The following IL12B variants were observed in gnomAD, a reference collection of about 807,000 sequenced individuals.
IL12B encodes the protein interleukin 12B.
In IL12B, 27 loss-of-function variants were observed where a neutral mutation model predicts 39.2. That is an observed-to-expected ratio of 0.69 (90% confidence interval 0.51 to 0.95). IL12B has a LOEUF of 0.95. IL12B is among the 40% of genes least tolerant of loss of function. The pLI is 0.00. For missense variants in IL12B, 351 were observed against 397.6 expected (o/e 0.88, Z 1.00); for synonymous variants, 142 against 152.1 (o/e 0.93, Z 0.49).
intron 4 of IL12B, among the ~76,000 whole-genome samples, chr5:159,321,347 T>TTA (rs530647543): frequency 0.024 from 3,537 of 146,232 alleles, 64 homozygotes; most frequent in African/African-American, 0.053. Flanking sequence ...TATACACATT[T>TTA]TATATATATA....
chr5:159,328,351 G>A (rs959012570), intron 1 of IL12B, among the ~76,000 whole-genome samples: 1 of 152,072 alleles, frequency 6.6e-6, no homozygotes, highest in African/African-American at 2.4e-5. Context: ...ACACAGGCTT[G>A]AATTTTGGTC....
Position 159,322,508 on chromosome 5 carries a change from G to A in IL12B, c.368C>T (p.Pro123Leu), listed in dbSNP as rs867476819. ...GCATCTTAGAAAGGTCTTATTTTTG[G>A]GTTCTGGATTTGAAAAAAACAAAAA... ...STDILKDQKE[P>L]KNKTFLRCEA... Residue 123 changes from proline to leucine, a missense_variant, in exon 4 of 8, where the codon CCC becomes CTC. Pro to Leu is a moderately conservative substitution (Grantham distance 98). Coordinates refer to ENST00000231228, the MANE Select transcript of IL12B (RefSeq NM_002187.3). 1.2e-6 allele frequency: 2 copies of A among 1,607,850 alleles called. No individual in the cohort carries two copies. Among genetic ancestry groups the A allele is most frequent in the Non-Finnish European group, 1.7e-6 (2 of 1,174,386 alleles).
intron 6 of IL12B, among the ~76,000 whole-genome samples, chr5:159,318,507 A>G (rs1754024781): frequency 6.6e-6 from 1 of 152,240 alleles, no homozygotes; most frequent in African/African-American, 2.4e-5. Context: ...GCAATAGGCT[A>G]TACCATAAAG....
intron 6 of IL12B, among the ~76,000 whole-genome samples, chr5:159,317,780 T>A (rs906554148): frequency 6.6e-6 from 1 of 152,252 alleles, no homozygotes; most frequent in Non-Finnish European, 1.5e-5. Flanking sequence ...GCCTGTTCTA[T>A]CATTCATTAC....
chr5:159,323,554 G>A lies in IL12B; in HGVS notation c.89-225C>T, dbSNP rs150220267. Among the ~76,000 whole-genome samples, 157 of 152,280 alleles carry A rather than the reference G, an allele frequency of 1.0e-3. 1 individual carries two copies. The highest frequency in any genetic ancestry group is 8.5e-3 in the East Asian group (44 of 5,188). On this transcript the variant is annotated intron_variant, in intron 2 of 7. Coordinates refer to ENST00000231228, the MANE Select transcript of IL12B (RefSeq NM_002187.3). ...TATAGCTGCCATCGACTCATTGACT[G>A]GAAGGCTGCCTTTAATAGTAACCTT...
In IL12B at chr5:159,316,691, G is replaced by A. The variant is rs138991749; in HGVS notation, c.981C>T (p.Cys327=). Residue 327 remains cysteine (C), a synonymous_variant, in exon 7 of 8, where the codon TGC becomes TGT. Transcript: ENST00000231228. ...CCTTTGAGGGCCTGCTCACCTAACT[G>A]CAGGGCACAGATGCCCATTCGCTCC... ...SSWSEWASVP[C]S is the part of the protein sequence containing the mutation. 2.5e-6 allele frequency: 4 copies of A among 1,612,642 alleles called. No individual in the cohort carries two copies. The highest frequency in any genetic ancestry group is 3.4e-6 in the Non-Finnish European group (4 of 1,179,502).
At chr5:159,328,150 T>C (rs761869209) in intron 1 of IL12B, among the ~76,000 whole-genome samples, 5 of 152,226 alleles carry the variant, frequency 3.3e-5, no homozygotes, top group Non-Finnish European at 7.3e-5. Context: ...ATGTACTTTA[T>C]TCCCTTATAA....
rs1753980545 is a variant in IL12B, at chr5:159,315,844, T to A, written c.*257A>T. 1 of 152,500 alleles carries A rather than the reference T, an allele frequency of 6.6e-6. No individual in the cohort carries two copies. Among genetic ancestry groups the A allele is most frequent in the South Asian group, 2.1e-4 (1 of 4,828 alleles). 9.4% of individuals were successfully genotyped at this position (152,500 alleles called of 1,614,324 possible). ...AGTAATATACTAATAAATACATAAA[T>A]TACTTAAATATTTAAATAGCATGAA... On this transcript the variant is annotated 3_prime_UTR_variant, in exon 8 of 8. Coordinates refer to ENST00000231228, the MANE Select transcript of IL12B (RefSeq NM_002187.3).
intron 6 of IL12B, among the ~76,000 whole-genome samples, chr5:159,318,526 C>A (rs776714408): frequency 6.6e-6 from 1 of 152,132 alleles, no homozygotes; most frequent in Admixed American, 6.5e-5. Context: ...AGCCTAGAAG[C>A]GTAGTAGGCT....
At chr5:159,323,405 G>T in intron 2 of IL12B, 76 bp from the exon 3 acceptor site, 2 of 1,396,336 alleles carry the variant, frequency 1.4e-6, no homozygotes, top group Non-Finnish European at 2.0e-6. Context: ...AACCCTTCGG[G>T]CATCCCCATT....
At chr5:159,325,309 C>G (rs573925819) in intron 2 of IL12B, among the ~76,000 whole-genome samples, 3 of 152,174 alleles carry the variant, frequency 2.0e-5, no homozygotes, top group Non-Finnish European at 4.4e-5. Context: ...ACCCCTGGCT[C>G]AGGCCTTTGC....
intron 4 of IL12B, among the ~76,000 whole-genome samples, chr5:159,321,285 G>A (rs1432183894): frequency 6.6e-6 from 1 of 151,546 alleles, no homozygotes; most frequent in Non-Finnish European, 1.5e-5. Flanking sequence ...GATTTCAGGT[G>A]TGAGCCACTG....
chr5:159,326,393 G>A (rs1303666007), intron 2 of IL12B, among the ~76,000 whole-genome samples: 1 of 152,172 alleles, frequency 6.6e-6, no homozygotes, highest in Non-Finnish European at 1.5e-5. Flanking sequence ...TTTTAATTGT[G>A]TGAAACAGTT....
chr5:159,321,804 T>C (rs921460356), intron 4 of IL12B, among the ~76,000 whole-genome samples: 3 of 152,202 alleles, frequency 2.0e-5, no homozygotes, highest in Non-Finnish European at 4.4e-5. Context: ...TCGGTGATGA[T>C]TAAAGTAAGC....
In IL12B at chr5:159,315,201, T is replaced by C. The variant is rs1024001080; in HGVS notation, c.*900A>G. ...AAAGCTGAATTTTAATTTCAATCAT[T>C]TTTTTTTTTGAGACAGGGTCTCATT... On this transcript the variant is annotated 3_prime_UTR_variant, in exon 8 of 8. Transcript: ENST00000231228. The C allele has an allele frequency of 1.8e-5, 2 of 110,248 alleles. No homozygotes were observed. The highest frequency in any genetic ancestry group is 9.2e-5 in the Admixed American group (1 of 10,854). 6.8% of individuals were successfully genotyped at this position (110,248 alleles called of 1,614,324 possible).
At chr5:159,319,994 C>G (rs1281206627) in intron 5 of IL12B, among the ~76,000 whole-genome samples, 2 of 152,142 alleles carry the variant, frequency 1.3e-5, no homozygotes, top group African/African-American at 4.8e-5. Context: ...TGATTAGGCT[C>G]TGGGATTCAT....
chr5:159,322,856 G>C (rs771995728), intron 3 of IL12B, among the ~76,000 whole-genome samples, 198 bp downstream of exon 3: 1 of 152,180 alleles, frequency 6.6e-6, no homozygotes, highest in Non-Finnish European at 1.5e-5. Context: ...CCCTTAATAT[G>C]AGATTTTGAT....
chr5:159,321,367 ACAC>A (rs1754088642), intron 4 of IL12B, among the ~76,000 whole-genome samples: 1 of 78,906 alleles, frequency 1.3e-5, no homozygotes, highest in South Asian at 5.2e-4. Flanking sequence ...ATATATATAT[ACAC>A]ACACACACAC....
intron 2 of IL12B, among the ~76,000 whole-genome samples, chr5:159,325,142 G>A (rs964372356): frequency 2.1e-4 from 32 of 152,274 alleles, no homozygotes; most frequent in Admixed American, 7.8e-4. Flanking sequence ...TCACTGCATC[G>A]TCTGCCCTCC....
Sources: gnomAD v4.1 joint callset for allele counts (sites outside exome capture counted in the v4.1 genomes callset) on GRCh38, gnomAD v4.1.1 for gene constraint, MANE v1.5 for transcripts, NCBI Gene and HGNC (gene_info 2026-07-23, HGNC 2026-07-21) for gene names.